ACSF2: variants seen among roughly 807,000 people sequenced by gnomAD.
The protein encoded by ACSF2 is acyl-CoA synthetase family member 2, also known as medium-chain acyl-CoA ligase ACSF2, mitochondrial.
A neutral mutation model predicts 79.3 loss-of-function variants in ACSF2; 52 were observed. The observed-to-expected ratio is 0.66, with a 90% CI of 0.53 to 0.83. ACSF2 has a LOEUF of 0.83. Ranked by LOEUF, ACSF2 falls within the 40% of genes least tolerant of loss-of-function variation. The pLI is 0.00. For missense variants in ACSF2, 661 were observed against 803.3 expected, an observed-to-expected ratio of 0.82 and a Z score of 2.14; for synonymous variants, 283 against 312.6, an observed-to-expected ratio of 0.91 and a Z score of 1.00.
chr17:50,450,857 C>A (rs2031626681), intron 1 of ACSF2: 1 of 152,246 alleles, frequency 6.6e-6, no homozygotes, highest in Admixed American at 6.5e-5. Flanking sequence ...ATCCGTTCAT[C>A]TGTTGCTGGA....
chr17:50,458,075 T>A (rs532155259), intron 1 of ACSF2, among the ~76,000 whole-genome samples: 1 of 152,270 alleles, frequency 6.6e-6, no homozygotes, highest in East Asian at 1.9e-4. Flanking sequence ...TGAAAAACTG[T>A]CACTTGGAGG....
rs1420717948 is a variant in ACSF2, at chr17:50,454,200, C to T, written c.129-6477C>T. Among the ~76,000 whole-genome samples, 3 of 126,554 alleles carry T rather than the reference C, an allele frequency of 2.4e-5. No individual in the cohort carries two copies. In the Admixed American group the frequency reaches 2.6e-4, roughly 11 times the overall value. 83.0% of individuals were successfully genotyped at this position (126,554 alleles called of 152,430 possible). A position where few individuals can be genotyped will look rare whatever the true frequency, so the allele number is the denominator to read the frequency against. The stretch of plus-strand genomic sequence containing the variant: ...TTTTTTTTTTTTTTTTTTTTAGAGA[C>T]AGGGTCTTGCTCTGTCACCCAGGCT... On this transcript the variant is annotated intron_variant, in intron 1 of 15. Transcript: ENST00000300441.
rs2030769073 is a variant in ACSF2, at chr17:50,440,062, CTGTTGCT to C, written c.128+13677_128+13683del. Among the ~76,000 whole-genome samples the C allele has an allele frequency of 2.0e-5, 3 of 152,090 alleles. No homozygotes were observed. In the South Asian group the frequency reaches 6.2e-4, roughly 32 times the overall value. On this transcript the variant is annotated intron_variant, in intron 1 of 15. Coordinates refer to ENST00000300441, the MANE Select transcript of ACSF2 (RefSeq NM_025149.6). ...ATAAAATGAAATTTATAAATCCAGGCTGTTGCTTGTCTTTTAGCCTTGTTGATGATGT... is the reference window on the plus strand; with the variant it reads ...ATAAAATGAAATTTATAAATCCAGGCTGTCTTTTAGCCTTGTTGATGATGT...
chr17:50,462,662 G>A (rs759266376), intron 6 of ACSF2, 77 bp downstream of exon 6: 170 of 1,527,606 alleles, frequency 1.1e-4, no homozygotes, highest in Non-Finnish European at 1.4e-4. Context: ...GCGGGGATGG[G>A]GAGACAGCAG....
intron 3 of ACSF2, 115 bp from the exon 4 acceptor site, chr17:50,461,518 T>C (rs2143704398): frequency 6.3e-7 from 1 of 1,584,126 alleles, no homozygotes; most frequent in South Asian, 1.1e-5. Flanking sequence ...ACCAAGGAGG[T>C]CTCTGGGAGT....
Position 50,466,311 on chromosome 17 carries a change from G to A in ACSF2, c.1215+2017G>A, listed in dbSNP as rs540075409. On this transcript the variant is annotated intron_variant, in intron 10 of 15. Transcript: ENST00000300441. ...TCACCATGTTAGCCAGGATGGTCTC[G>A]ATCTCCTGACCTCGTGATCTACCCG... Among the ~76,000 whole-genome samples, 74 of 151,932 alleles carry A rather than the reference G, an allele frequency of 4.9e-4. 1 individual carries two copies. Among genetic ancestry groups the A allele is most frequent in the African/African-American group, 1.8e-3 (73 of 41,424 alleles).
intron 4 of ACSF2, 54 bp downstream of exon 4, chr17:50,461,740 C>T: frequency 6.2e-7 from 1 of 1,601,216 alleles, no homozygotes; most frequent in African/African-American, 1.3e-5. Flanking sequence ...CAGGGGGCTG[C>T]ACAGACTCTG....
At chr17:50,468,898 G>A in intron 10 of ACSF2, 2 of 1,431,746 alleles carry the variant, frequency 1.4e-6, no homozygotes, top group Non-Finnish European at 9.1e-7. Flanking sequence ...CGGGTCTGCC[G>A]CCCTCTTTAT....
In ACSF2 at chr17:50,462,509, G is replaced by A. The variant is rs768663196; in HGVS notation, c.716G>A (p.Arg239Gln). The A allele has an allele frequency of 1.1e-5, 18 of 1,613,818 alleles. No homozygotes were observed. The South Asian group carries it at 1.2e-4, about 11-fold the overall frequency. ...LDEVVAAGSTRQHLDQLQYNQ... is the reference protein window; with the variant it reads ...LDEVVAAGSTQQHLDQLQYNQ... ...GAAGTGGTGGCGGCTGGCAGCACAC[G>A]GCAGCATCTGGACCAGCTCCAATAC... Residue 239 changes from arginine (R) to glutamine (Q), a missense_variant, in exon 6 of 16, where the codon CGG becomes CAG. Arg to Gln is a conservative substitution (Grantham distance 43). Coordinates refer to ENST00000300441, the MANE Select transcript of ACSF2 (RefSeq NM_025149.6).
chr17:50,473,601 G>T (rs1003851210), intron 12 of ACSF2, 64 bp from the exon 13 acceptor site: 2 of 1,608,494 alleles, frequency 1.2e-6, no homozygotes, highest in South Asian at 2.2e-5. Flanking sequence ...AATGTTTCAC[G>T]ACTGAGCAAG....
intron 1 of ACSF2, among the ~76,000 whole-genome samples, chr17:50,437,900 T>C (rs2030566294): frequency 6.6e-6 from 1 of 152,190 alleles, no homozygotes. Context: ...CTTTCTTGTT[T>C]TCAGAAAAAT....
At chr17:50,426,519 G>T in intron 1 of ACSF2, 130 bp downstream of exon 1, 1 of 1,113,992 alleles carries the variant, frequency 9.0e-7, no homozygotes, top group Non-Finnish European at 1.2e-6. Context: ...CCCCTCCCCC[G>T]CCCCCCGCCA....
At position 50,437,504 on chromosome 17, in the gene ACSF2, A is replaced by C. The variant is rs371616405; in HGVS notation, c.128+11115A>C. ...GTCTCTACTAAATAAATAAATAAAT[A>C]AATCCCAGCTGAGCGTGTGGCTCCT... is the stretch of plus-strand genomic sequence containing the variant. On this transcript the variant is annotated intron_variant, in intron 1 of 15. Coordinates refer to ENST00000300441, the MANE Select transcript of ACSF2 (RefSeq NM_025149.6). 1.1e-4 allele frequency among the ~76,000 whole-genome samples: 16 copies of C among 152,182 alleles called. No homozygotes were observed. In the East Asian group the frequency reaches 1.7e-3, roughly 17 times the overall value.
chr17:50,468,639 G>A, intron 10 of ACSF2: 2 of 1,614,242 alleles, frequency 1.2e-6, no homozygotes, highest in Non-Finnish European at 1.7e-6. Context: ...TTGTTGCGCT[G>A]TAGGTTGAGC....
At chr17:50,454,626 C>T (rs1366803605) in intron 1 of ACSF2, among the ~76,000 whole-genome samples, 1 of 152,174 alleles carries the variant, frequency 6.6e-6, no homozygotes, top group Non-Finnish European at 1.5e-5. Flanking sequence ...TGAAGTTGCA[C>T]ACACTATCTC....
Position 50,437,217 on chromosome 17 carries a change from C to T in ACSF2, c.128+10828C>T, listed in dbSNP as rs117929133. 2.0e-5 allele frequency among the ~76,000 whole-genome samples: 3 copies of T among 152,170 alleles called. No individual in the cohort carries two copies. The East Asian group carries it at 5.8e-4, about 29-fold the overall frequency. ...AGACGGGAAGGGAGAGCCTGCCTTT[C>T]GACTGCCATGAGCTAGGAGATATAT... On this transcript the variant is annotated intron_variant, in intron 1 of 15. Coordinates refer to ENST00000300441, the MANE Select transcript of ACSF2 (RefSeq NM_025149.6).
chr17:50,443,515 C>T (rs149322738), intron 1 of ACSF2, among the ~76,000 whole-genome samples: 153 of 152,256 alleles, frequency 1.0e-3, no homozygotes, highest in African/African-American at 3.5e-3. Context: ...CCAATTGCTG[C>T]GAGCTTGAAG....
intron 1 of ACSF2, among the ~76,000 whole-genome samples, chr17:50,431,515 C>G (rs997591241): frequency 2.6e-5 from 4 of 152,156 alleles, no homozygotes; most frequent in Non-Finnish European, 5.9e-5. Flanking sequence ...TTTGTACTTC[C>G]GTGAAATCTC....
rs542469221 is a variant in ACSF2 at position 50,426,285 on chromosome 17, G to A, written c.24G>A (p.Leu8=). Residue 8 remains leucine (L), a synonymous_variant, in exon 1 of 16, where the codon CTG becomes CTA. Transcript: ENST00000300441. MAVYVGM[L]RLGRLCAGSS... is the part of the protein sequence containing the mutation. ...CCATGGCTGTCTACGTCGGGATGCT[G>A]CGCCTGGGGAGGCTGTGCGCCGGGA... The A allele has an allele frequency of 3.5e-6, 5 of 1,410,152 alleles. No homozygotes were observed. The South Asian group carries it at 6.7e-5, about 19-fold the overall frequency. 87.4% of individuals were successfully genotyped at this position (1,410,152 alleles called of 1,614,324 possible).
Sources: allele counts gnomAD v4.1 joint callset (sites outside exome capture counted in the v4.1 genomes callset), GRCh38; gene constraint gnomAD v4.1.1; transcripts MANE v1.5; gene names NCBI Gene and HGNC (gene_info 2026-07-23, HGNC 2026-07-21).